Variants in NFKB2 observed in about 807,000 individuals in gnomAD.
NFKB2 encodes nuclear factor NF-kappa-B p100 subunit.
NFKB2 carries 21 observed loss-of-function variants against 109.3 expected under a neutral mutation model. The observed-to-expected ratio is 0.19, with a 90% confidence interval of 0.14 to 0.28. NFKB2 has a LOEUF of 0.28. Among genes scored for constraint, NFKB2 ranks in the 10% least tolerant of loss-of-function variants. The pLI, the probability that NFKB2 is intolerant of heterozygous loss-of-function variation, is 1.00. For missense variants in NFKB2, 806 were observed against 1,185.3 expected (o/e 0.68, Z 4.70); for synonymous variants, 478 against 489.9 (o/e 0.98, Z 0.32).
At chr10:102,394,445 C>G (rs2061062672), upstream of NFKB2, 1 of 152,642 alleles carries the variant, frequency 6.6e-6, no homozygotes, top group South Asian at 2.1e-4. Context: ...AAAAAGGGCG[C>G]GAGGCGTGAC....
At position 102,399,363 on chromosome 10, in the gene NFKB2, A is replaced by C. The variant is rs768859143; in HGVS notation, c.1193A>C (p.Tyr398Ser). ...YQSGAGPMGC[Y>S]PGGGGGAQMA... ...TCCGGCGCGGGCCCCATGGGCTGCT[A>C]CCCGGGAGGCGGGGGCGGGGCGCAG... is the stretch of plus-strand genomic sequence containing the variant. The change falls in exon 13 of 23, where the codon TAC (tyrosine) becomes TCC (serine). Residue 398 changes from tyrosine to serine, a missense_variant. By Grantham distance (144) the Tyr-to-Ser change is moderately radical (BLOSUM62 -2). Around this residue, in one of 10 missense-constraint regions of NFKB2, gnomAD observed 209 missense variants for 211.9 expected, o/e 0.99. Transcript: ENST00000661543. The C allele has an allele frequency of 6.4e-7, 1 of 1,557,108 alleles. No homozygotes were observed. The highest frequency in any genetic ancestry group is 1.2e-5 in the South Asian group (1 of 84,438).
chr10:102,400,401 G>A lies in NFKB2; in HGVS notation c.1708G>A (p.Ala570Thr), dbSNP rs745514664. The A allele has an allele frequency of 6.8e-6, 11 of 1,613,106 alleles. No individual in the cohort carries two copies. The East Asian group carries it at 2.0e-4, about 29-fold the overall frequency. ...GDSAMHLALRAGAGAPELLRA... is the reference protein window; with the variant it reads ...GDSAMHLALRTGAGAPELLRA... ...CTCAGCCATGCATCTGGCGCTGCGG[G>A]CAGGCGCTGGTGCTCCTGAGCTGCT... Residue 570 changes from alanine to threonine, a missense_variant, in exon 16 of 23, where the codon GCA becomes ACA. Ala to Thr is a moderately conservative substitution (Grantham distance 58). Around this residue, in one of 10 missense-constraint regions of NFKB2, gnomAD observed 163 missense variants for 207.1 expected, o/e 0.79. Transcript: ENST00000661543. The surrounding 1 kb of genome is among the most constrained non-coding windows in gnomAD (Gnocchi z 6.3).
rs756887787 is a variant in NFKB2, at chr10:102,397,518, A to T, written c.503-9A>T. ...AAGCCCAGGGGTCACACATGTACCT[A>T]CTGCCCAGAGGCCGAGCAGCGGGAG... On this transcript the variant is annotated splice_polypyrimidine_tract_variant and intron_variant, in intron 7 of 22. Coordinates refer to ENST00000661543, the MANE Select transcript of NFKB2 (RefSeq NM_001322934.2). The surrounding 1 kb of genome is among the most constrained non-coding windows in gnomAD (Gnocchi z 4.7). 1.2e-6 allele frequency: 2 copies of T among 1,612,174 alleles called. No homozygotes were observed. The highest frequency in any genetic ancestry group is 2.7e-5 in the African/African-American group (2 of 74,908).
chr10:102,397,751 G>A lies in NFKB2; in HGVS notation c.661+66G>A. 6.4e-7 allele frequency: 1 copy of A among 1,557,994 alleles called. No individual in the cohort carries two copies. Among genetic ancestry groups the A allele is most frequent in the Non-Finnish European group, 8.7e-7 (1 of 1,144,406 alleles). ...GAGGTGGCATGAGGGGTGACCTCAA[G>A]CTGTGCAGTCAAACAGACCCAGGTT... On this transcript the variant is annotated intron_variant, in intron 8 of 22. Coordinates refer to ENST00000661543, the MANE Select transcript of NFKB2 (RefSeq NM_001322934.2). This position sits in a 1 kb window ranked among gnomAD's most constrained non-coding sequence, Gnocchi z 4.7.
chr10:102,399,352 C>A lies in NFKB2; in HGVS notation c.1182C>A (p.Pro394=), dbSNP rs923380285. The part of the protein sequence containing the change: ...AYSPYQSGAG[P]MGCYPGGGGG... ...GCCCCTACCAGTCCGGCGCGGGCCCCATGGGCTGCTACCCGGGAGGCGGGG... is the reference window on the plus strand; with the variant it reads ...GCCCCTACCAGTCCGGCGCGGGCCCAATGGGCTGCTACCCGGGAGGCGGGG... The change falls in exon 13 of 23, where the codon CCC becomes CCA. Residue 394 remains proline (P), a synonymous_variant. Transcript: ENST00000661543. 3.2e-6 allele frequency: 5 copies of A among 1,567,894 alleles called. No individual in the cohort carries two copies. Among genetic ancestry groups the A allele is most frequent in the Admixed American group, 1.9e-5 (1 of 52,114 alleles).
At chr10:102,395,106 G>T (rs1373346364), upstream of NFKB2, among the ~76,000 whole-genome samples, 10 of 108,350 alleles carry the variant, frequency 9.2e-5, 1 homozygote, top group African/African-American at 2.4e-4. Flanking sequence ...TTAGGTGGGG[G>T]GGGGGGGGGG....
At chr10:102,394,496 A>C (rs1041274162), upstream of NFKB2, 1 of 152,482 alleles carries the variant, frequency 6.6e-6, no homozygotes, top group Non-Finnish European at 1.5e-5. Flanking sequence ...CGGGGGGCCG[A>C]GAAGGGGCTT....
In NFKB2 at chr10:102,401,098, G is replaced by C. The variant is rs1364840010; in HGVS notation, c.2071+49G>C. ...TTGAACAGGGTGGGGGGAAGGGAGA[G>C]AGGTGCCTCCCAGTCCCCCGACTTT... On this transcript the variant is annotated intron_variant, in intron 18 of 22. Transcript: ENST00000661543. This position sits in a 1 kb window ranked among gnomAD's most constrained non-coding sequence, Gnocchi z 4.2. 7 of 1,612,540 alleles carry C rather than the reference G, an allele frequency of 4.3e-6. No individual in the cohort carries two copies. In the Admixed American group the frequency reaches 1.0e-4, roughly 23 times the overall value.
rs1417358411 is a variant in NFKB2, at chr10:102,402,105, G to A, written c.2524G>A (p.Glu842Lys). The A allele has an allele frequency of 1.3e-6, 2 of 1,579,906 alleles. No individual in the cohort carries two copies. The highest frequency in any genetic ancestry group is 2.3e-5 in the East Asian group (1 of 43,074). Residue 842 changes from glutamate to lysine, a missense_variant, in exon 22 of 23, where the codon GAG becomes AAG. Around this residue, in one of 10 missense-constraint regions of NFKB2, gnomAD observed 211 missense variants for 268.7 expected, o/e 0.79. Coordinates refer to ENST00000661543, the MANE Select transcript of NFKB2 (RefSeq NM_001322934.2). ...GGCCCTGTCTGACATGGGCCTAGAGGAGGGAGTGAGGCTGCTGAGGGGTCC... is the reference window on the plus strand; with the variant it reads ...GGCCCTGTCTGACATGGGCCTAGAGAAGGGAGTGAGGCTGCTGAGGGGTCC... ...LEALSDMGLE[E>K]GVRLLRGPET... is the part of the protein sequence containing the mutation.
chr10:102,398,199 G>T lies in NFKB2; in HGVS notation c.767-13G>T. ...CACCGGGAGCTGTGGCCAAGCTTCC[G>T]TTTTCCTTGTAGATGACATTGAGGT... On this transcript the variant is annotated splice_polypyrimidine_tract_variant and intron_variant, in intron 9 of 22. Coordinates refer to ENST00000661543, the MANE Select transcript of NFKB2 (RefSeq NM_001322934.2). The surrounding 1 kb of genome is among the most constrained non-coding windows in gnomAD (Gnocchi z 6.6). 6.2e-7 allele frequency: 1 copy of T among 1,614,102 alleles called. No homozygotes were observed. Among genetic ancestry groups the T allele is most frequent in the Admixed American group, 1.7e-5 (1 of 60,026 alleles).
chr10:102,399,403 GC>G lies in NFKB2; in HGVS notation c.1236del (p.Ser413AlafsTer69). On this transcript the variant is annotated frameshift_variant, in exon 13 of 23. Transcript: ENST00000661543. LOFTEE classifies it high-confidence loss of function. ...GCGGGGCGCAGATGGCCGCCACGGTGCCCAGCAGGGACTCCGGGGAGGAAGC... is the reference window on the plus strand; with the variant it reads ...GCGGGGCGCAGATGGCCGCCACGGTGCCAGCAGGGACTCCGGGGAGGAAGC... Reference protein sequence around the residue: ...GGGAQMAATVPSRDSGEEAAE... With the variant: ...GGGAQMAATVXSRDSGEEAAE... The G allele has an allele frequency of 6.5e-7, 1 of 1,538,166 alleles. No individual in the cohort carries two copies. Among genetic ancestry groups the G allele is most frequent in the Admixed American group, 2.0e-5 (1 of 48,980 alleles).
At position 102,400,886 on chromosome 10, in the gene NFKB2, AGGG is replaced by A; in HGVS notation, c.1969-55_1969-53del. The A allele has an allele frequency of 6.6e-7, 1 of 1,520,458 alleles. No homozygotes were observed. Among genetic ancestry groups the A allele is most frequent in the African/African-American group, 1.4e-5 (1 of 70,876 alleles). The allele number at this position is 1,520,458 out of a possible 1,614,324, so 94.2% of individuals were successfully genotyped here. ...GTGGTGGAGGGGCCAAAGATGGTGA[AGGG>A]GGGGGCTGGCCAAGGGGACCATGCT... On this transcript the variant is annotated intron_variant, in intron 17 of 22. Transcript: ENST00000661543. This position sits in a 1 kb window ranked among gnomAD's most constrained non-coding sequence, Gnocchi z 6.3.
Position 102,400,272 on chromosome 10 carries a change from C to G in NFKB2, c.1585-6C>G. Reference sequence around the variant, plus strand: ...CGGGCCTGGCTCACCCTGCTTTCATCCCCAGACGCCCCTGCACCTGGCGGT... The same window carrying G: ...CGGGCCTGGCTCACCCTGCTTTCATGCCCAGACGCCCCTGCACCTGGCGGT... On this transcript the variant is annotated splice_polypyrimidine_tract_variant and splice_region_variant and intron_variant, in intron 15 of 22. Transcript: ENST00000661543. This position sits in a 1 kb window ranked among gnomAD's most constrained non-coding sequence, Gnocchi z 6.3. 1 of 1,614,034 alleles carries G rather than the reference C, an allele frequency of 6.2e-7. No homozygotes were observed. The highest frequency in any genetic ancestry group is 8.5e-7 in the Non-Finnish European group (1 of 1,180,000).
chr10:102,395,064 T>C (rs2061076598), upstream of NFKB2, among the ~76,000 whole-genome samples: 1 of 120,814 alleles, frequency 8.3e-6, no homozygotes, highest in South Asian at 2.8e-4. Context: ...CGAAACACAC[T>C]TGTGGAGCTG....
rs376349985 is a variant in NFKB2 at position 102,402,421 on chromosome 10, G to A, written c.*45G>A. The A allele has an allele frequency of 3.0e-5, 34 of 1,152,010 alleles. No individual in the cohort carries two copies. Among genetic ancestry groups the A allele is most frequent in the East Asian group, 7.3e-5 (3 of 41,282 alleles). The allele number at this position is 1,152,010 out of a possible 1,614,324, so 71.4% of individuals were successfully genotyped here. A position where few individuals can be genotyped will look rare whatever the true frequency, so the allele number is the denominator to read the frequency against. ...CCCCTTCCCGGACCCCCTGTACAGC[G>A]TCCCCACCTATTTCAAATCTTATTT... On this transcript the variant is annotated 3_prime_UTR_variant, in exon 23 of 23. Coordinates refer to ENST00000661543, the MANE Select transcript of NFKB2 (RefSeq NM_001322934.2).
chr10:102,399,572 C>G lies in NFKB2; in HGVS notation c.1328-5C>G, dbSNP rs1364475960. On this transcript the variant is annotated splice_region_variant and splice_polypyrimidine_tract_variant and intron_variant, in intron 13 of 22. Coordinates refer to ENST00000661543, the MANE Select transcript of NFKB2 (RefSeq NM_001322934.2). ...GCCCTGACCCACGCCCTCTGTGGCC[C>G]GTAGCTCGAGAGTACAACGCGCGCC... The G allele has an allele frequency of 1.9e-6, 3 of 1,549,546 alleles. No individual in the cohort carries two copies. Among genetic ancestry groups the G allele is most frequent in the East Asian group, 2.5e-5 (1 of 40,498 alleles).
chr10:102,394,673 C>G (rs1047337333), upstream of NFKB2: 1 of 152,692 alleles, frequency 6.5e-6, no homozygotes, highest in Non-Finnish European at 1.5e-5. Context: ...TAGCGGACAG[C>G]GCCTGGGGCT....
At position 102,396,615 on chromosome 10, in the gene NFKB2, G is replaced by A. The variant is rs1404607692; in HGVS notation, c.145-110G>A. Reference sequence around the variant, plus strand: ...CACAGGGGATTGGATGGTCACTGCTGCTGATCAGAGTGCTGTAGTTTGGTT... The same window carrying A: ...CACAGGGGATTGGATGGTCACTGCTACTGATCAGAGTGCTGTAGTTTGGTT... On this transcript the variant is annotated intron_variant, in intron 4 of 22. Transcript: ENST00000661543. The surrounding 1 kb of genome is among the most constrained non-coding windows in gnomAD (Gnocchi z 5.9). The A allele has an allele frequency of 4.5e-6, 7 of 1,556,190 alleles. No homozygotes were observed. Among genetic ancestry groups the A allele is most frequent in the African/African-American group, 1.4e-5 (1 of 73,240 alleles).
rs751909014 is a variant in NFKB2, at chr10:102,395,937, A to G, written c.-23A>G. 5 of 1,612,196 alleles carry G rather than the reference A, an allele frequency of 3.1e-6. No homozygotes were observed. In the East Asian group the frequency reaches 1.1e-4, roughly 36 times the overall value. ...CAGAACCTGGCCGGAGCCACTAGAC[A>G]GAGCCGGGCCTAGCCCAGAGACATG... On this transcript the variant is annotated 5_prime_UTR_variant, in exon 2 of 23. Transcript: ENST00000661543.
Sources: gnomAD v4.1 joint callset for allele counts (sites outside exome capture counted in the v4.1 genomes callset) on GRCh38, gnomAD v4.1.1 for gene constraint, gnomAD v4.1.1 regional missense constraint, Gnocchi (gnomAD v3.1) non-coding constraint, MANE v1.5 for transcripts, NCBI Gene and HGNC (gene_info 2026-07-23, HGNC 2026-07-21) for gene names.